The following CSMD3 variants were observed in gnomAD, a reference collection of about 807,000 sequenced individuals.
CSMD3 encodes CUB and sushi domain-containing protein 3.
In CSMD3, 177 loss-of-function variants were observed where a neutral mutation model predicts 435.2. That is an observed-to-expected ratio of 0.41 (90% CI 0.36 to 0.46). The LOEUF (loss-of-function observed/expected upper bound fraction) is 0.46, where lower values mean the gene tolerates loss of function less well. Among genes scored for constraint, CSMD3 ranks in the 20% least tolerant of loss-of-function variants. The pLI, the probability that CSMD3 is intolerant of heterozygous loss-of-function variation, is 0.34. For synonymous variants in CSMD3, 1,656 were observed against 1,520.5 expected, an observed-to-expected ratio of 1.09 and a Z score of -2.07; for missense variants, 4,265 against 4,504.6, an observed-to-expected ratio of 0.95 and a Z score of 1.52.
chr8:112,295,973 T>G lies in CSMD3; in HGVS notation c.8474A>C (p.Asn2825Thr). The G allele has an allele frequency of 6.2e-7, 1 of 1,613,486 alleles. No homozygotes were observed. Among genetic ancestry groups the G allele is most frequent in the Non-Finnish European group, 8.5e-7 (1 of 1,179,552 alleles). The change falls in exon 54 of 71, where the codon AAT becomes ACT. Residue 2825 changes from asparagine to threonine, a missense_variant. Asn to Thr is a moderately conservative substitution (Grantham distance 65). Coordinates refer to ENST00000297405, the MANE Select transcript of CSMD3 (RefSeq NM_198123.2). The stretch of plus-strand genomic sequence containing the variant: ...ATAATTTTCTCCAATGACTTGACCA[T>G]TCACAATCAGTTCTGGAATTCCACA... ...GHCGIPELIV[N>T]GQVIGENYGY...
At chr8:112,742,255 C>T (rs558431085) in intron 13 of CSMD3, among the ~76,000 whole-genome samples, 31 of 152,004 alleles carry the variant, frequency 2.0e-4, no homozygotes, top group Non-Finnish European at 4.0e-4. Flanking sequence ...ATGACTTCTG[C>T]AGAAGATTAT....
intron 4 of CSMD3, among the ~76,000 whole-genome samples, chr8:113,106,339 C>T (rs1281251192): frequency 6.6e-6 from 1 of 151,796 alleles, no homozygotes; most frequent in Non-Finnish European, 1.5e-5. Flanking sequence ...AAAAAAAATA[C>T]TCAATGGGCC....
At position 113,250,050 on chromosome 8, in the gene CSMD3, C is replaced by G. The variant is rs2093320223; in HGVS notation, c.514+28542G>C. Among the ~76,000 whole-genome samples, 3 of 152,062 alleles carry G rather than the reference C, an allele frequency of 2.0e-5. No individual in the cohort carries two copies. The South Asian group carries it at 6.2e-4, about 31-fold the overall frequency. On this transcript the variant is annotated intron_variant, in intron 3 of 70. Coordinates refer to ENST00000297405, the MANE Select transcript of CSMD3 (RefSeq NM_198123.2). ...AAATAAATACAACAAATCACAGGTT[C>G]TTTTCTATGTCCTCTTTAAGTTACC...
chr8:112,657,254 G>C (rs1268213970), intron 17 of CSMD3, among the ~76,000 whole-genome samples: 7 of 151,626 alleles, frequency 4.6e-5, no homozygotes, highest in Non-Finnish European at 7.4e-5. Flanking sequence ...GTAGACACAG[G>C]GTTTCACCAT....
intron 3 of CSMD3, among the ~76,000 whole-genome samples, chr8:113,264,454 G>C (rs560678471): frequency 6.6e-6 from 1 of 151,028 alleles, no homozygotes; most frequent in South Asian, 2.1e-4. Flanking sequence ...TACATAATAA[G>C]TTTGATCACT....
At chr8:112,649,675 T>C (rs2075074511) in intron 19 of CSMD3, among the ~76,000 whole-genome samples, 1 of 152,206 alleles carries the variant, frequency 6.6e-6, no homozygotes, top group Non-Finnish European at 1.5e-5. Context: ...AGTATGCTAT[T>C]TATTATAACT....
intron 1 of CSMD3, among the ~76,000 whole-genome samples, chr8:113,350,569 T>C (rs1309103156): frequency 3.3e-5 from 5 of 152,096 alleles, no homozygotes; most frequent in African/African-American, 1.2e-4. Context: ...ATGATTCCCT[T>C]CTTTTCAACC....
rs565546208 is a variant in CSMD3 at position 112,716,260 on chromosome 8, A to T, written c.1973-26210T>A. Among the ~76,000 whole-genome samples the T allele has an allele frequency of 2.0e-5, 3 of 152,314 alleles. No homozygotes were observed. In the South Asian group the frequency reaches 6.2e-4, roughly 32 times the overall value. Reference sequence around the variant, plus strand: ...ACAAAATCAACGTGCAAAAATCACAAGCATTTCTATATGCCAACTATAGAT... The same window carrying T: ...ACAAAATCAACGTGCAAAAATCACATGCATTTCTATATGCCAACTATAGAT... On this transcript the variant is annotated intron_variant, in intron 13 of 70. Coordinates refer to ENST00000297405, the MANE Select transcript of CSMD3 (RefSeq NM_198123.2).
At position 112,341,538 on chromosome 8, in the gene CSMD3, G is replaced by A. The variant is rs375819577; in HGVS notation, c.6591C>T (p.Thr2197=). Residue 2197 remains threonine, a synonymous_variant, in exon 42 of 71, where the codon ACC becomes ACT. Transcript: ENST00000297405. ...PSSLFSTTHE[T]SLYFHSDYSQ... is the part of the protein sequence containing the mutation. The stretch of plus-strand genomic sequence containing the variant: ...AATAGTCACTGTGAAAATATAAGCT[G>A]GTTTCATGGGTGGTGCTGAATAAGG... 5 of 1,613,200 alleles carry A rather than the reference G, an allele frequency of 3.1e-6. No individual in the cohort carries two copies. The highest frequency in any genetic ancestry group is 1.3e-5 in the African/African-American group (1 of 74,978).
intron 16 of CSMD3, among the ~76,000 whole-genome samples, chr8:112,675,506 A>C (rs1256645787): frequency 1.3e-5 from 2 of 152,124 alleles, no homozygotes; most frequent in Non-Finnish European, 2.9e-5. Context: ...TGCTGACTAC[A>C]GTGTAGGGGA....
chr8:112,747,445 T>C (rs954774132), intron 13 of CSMD3, among the ~76,000 whole-genome samples: 1 of 151,852 alleles, frequency 6.6e-6, no homozygotes, highest in African/African-American at 2.4e-5. Context: ...GTTGATAGAT[T>C]TGGAGATAGG....
At chr8:113,123,984 C>G (rs115976666) in intron 4 of CSMD3, among the ~76,000 whole-genome samples, 1 of 151,954 alleles carries the variant, frequency 6.6e-6, no homozygotes, top group Non-Finnish European at 1.5e-5. Context: ...GGGCAATCAC[C>G]TTTTTGTATC....
chr8:112,552,462 A>G lies in CSMD3; in HGVS notation c.4361+132T>C, dbSNP rs1827770806. On this transcript the variant is annotated intron_variant, in intron 26 of 70. Coordinates refer to ENST00000297405, the MANE Select transcript of CSMD3 (RefSeq NM_198123.2). Reference sequence around the variant, plus strand: ...GATCGAGCCCTGCCTTCCGGTCTGGATGTCAGAGCAAGACTCTGCCTCAAG... The same window carrying G: ...GATCGAGCCCTGCCTTCCGGTCTGGGTGTCAGAGCAAGACTCTGCCTCAAG... 5 of 852,990 alleles carry G rather than the reference A, an allele frequency of 5.9e-6. No homozygotes were observed. In the East Asian group the frequency reaches 1.6e-4, roughly 27 times the overall value. The allele number at this position is 852,990 out of a possible 1,614,324, so 52.8% of individuals were successfully genotyped here. A position where few individuals can be genotyped will look rare whatever the true frequency, so the allele number is the denominator to read the frequency against.
intron 1 of CSMD3, among the ~76,000 whole-genome samples, chr8:113,368,391 A>G (rs1318930422): frequency 1.3e-5 from 2 of 152,158 alleles, no homozygotes; most frequent in African/African-American, 4.8e-5. Flanking sequence ...ACTGGTCTTC[A>G]GTCCCCAGAA....
In CSMD3 at chr8:112,574,153, A is replaced by T. The variant is rs545245771; in HGVS notation, c.3886-496T>A. Among the ~76,000 whole-genome samples, 149 of 152,172 alleles carry T rather than the reference A, an allele frequency of 9.8e-4. 1 individual carries two copies. Among genetic ancestry groups the T allele is most frequent in the African/African-American group, 3.3e-3 (139 of 41,564 alleles). On this transcript the variant is annotated intron_variant, in intron 23 of 70. Coordinates refer to ENST00000297405, the MANE Select transcript of CSMD3 (RefSeq NM_198123.2). ...CATTTTTAAAATATTAAATTAAAGG[A>T]GGTCTAAATGCTTTTAGAAACTAAT...
rs529889500 is a variant in CSMD3, at chr8:113,434,052, C to G, written c.178+2625G>C. On this transcript the variant is annotated intron_variant, in intron 1 of 70. Transcript: ENST00000297405. ...AGGTTGTTTTCCTTTTCAGCCCCAC[C>G]CGAGTGGTTCAGGCCTACCTAAGAC... Among the ~76,000 whole-genome samples the G allele has an allele frequency of 3.7e-3, 571 of 152,282 alleles. 7 individuals carry two copies. The highest frequency in any genetic ancestry group is 0.013 in the African/African-American group (544 of 41,560).
chr8:113,419,510 AG>A (rs2094599396), intron 1 of CSMD3, among the ~76,000 whole-genome samples: 1 of 152,138 alleles, frequency 6.6e-6, no homozygotes, highest in South Asian at 2.1e-4. Flanking sequence ...CTGCATAAAA[AG>A]CTCTGCTTGG....
intron 2 of CSMD3, among the ~76,000 whole-genome samples, chr8:113,284,241 T>C (rs1438176251): frequency 6.6e-6 from 1 of 152,032 alleles, no homozygotes; most frequent in East Asian, 1.9e-4. Context: ...AAAAAAAAGA[T>C]GTCAGTGTTT....
chr8:112,800,546 C>G (rs1395398228), intron 12 of CSMD3, among the ~76,000 whole-genome samples: 2 of 151,996 alleles, frequency 1.3e-5, no homozygotes, highest in African/African-American at 4.8e-5. Context: ...AACTCCTACA[C>G]AGTACTTGTC....
Sources: gnomAD v4.1 joint callset for allele counts (sites outside exome capture counted in the v4.1 genomes callset) on GRCh38, gnomAD v4.1.1 for gene constraint, MANE v1.5 for transcripts, NCBI Gene and HGNC (gene_info 2026-07-23, HGNC 2026-07-21) for gene names.